The following AGBL1 variants were observed in gnomAD, a reference collection of about 807,000 sequenced individuals.
The protein encoded by AGBL1 is AGBL carboxypeptidase 1, also known as cytosolic carboxypeptidase 4.
In AGBL1, 130 loss-of-function variants were observed where a neutral mutation model predicts 118.9. The observed-to-expected ratio is 1.09, with a 90% CI of 0.95 to 1.26. The LOEUF is 1.26. AGBL1 is among the 50% of genes most tolerant of loss of function. The pLI is 0.00. For missense variants in AGBL1, 1,584 were observed against 1,298.1 expected (o/e 1.22, Z -3.38); for synonymous variants, 555 against 478.9 (o/e 1.16, Z -2.08).
At chr15:86,571,223 A>G (rs2084002100) in intron 21 of AGBL1, among the ~76,000 whole-genome samples, 2 of 152,140 alleles carry the variant, frequency 1.3e-5, no homozygotes, top group South Asian at 2.1e-4. Context: ...AGATCCCTGA[A>G]GGGCCACAGC....
chr15:86,453,071 T>C (rs2082215559), intron 18 of AGBL1, among the ~76,000 whole-genome samples: 1 of 152,220 alleles, frequency 6.6e-6, no homozygotes, highest in Non-Finnish European at 1.5e-5. Context: ...GGTGTGTTTA[T>C]TGTGTTTCGC....
intron 1 of AGBL1, chr15:86,109,942 C>G (rs866594419): frequency 1.8e-4 from 28 of 152,338 alleles, no homozygotes; most frequent in African/African-American, 6.7e-4. Context: ...CAAATAAATT[C>G]CGCTAAACCC....
chr15:86,687,530 G>C (rs2086081695), intron 22 of AGBL1, among the ~76,000 whole-genome samples: 1 of 152,118 alleles, frequency 6.6e-6, no homozygotes, highest in Non-Finnish European at 1.5e-5. Flanking sequence ...GAAAGGATAG[G>C]ATGATTATAT....
chr15:86,823,481 T>G (rs2078968653), intron 22 of AGBL1, among the ~76,000 whole-genome samples: 1 of 152,194 alleles, frequency 6.6e-6, no homozygotes, highest in Non-Finnish European at 1.5e-5. Context: ...GTCTTTCTCG[T>G]ATCCTTCATT....
intron 21 of AGBL1, among the ~76,000 whole-genome samples, chr15:86,667,000 A>G (rs2085655900): frequency 6.6e-6 from 1 of 152,172 alleles, no homozygotes; most frequent in Non-Finnish European, 1.5e-5. Context: ...TGTATCAGAC[A>G]TAGATGCATC....
At chr15:86,663,880 A>T (rs767959101) in intron 21 of AGBL1, among the ~76,000 whole-genome samples, 2 of 151,988 alleles carry the variant, frequency 1.3e-5, no homozygotes, top group African/African-American at 4.8e-5. Context: ...GCTTGATCAG[A>T]CTCTAGGCTA....
At chr15:86,727,579 G>A (rs1413557203) in intron 22 of AGBL1, among the ~76,000 whole-genome samples, 1 of 152,062 alleles carries the variant, frequency 6.6e-6, no homozygotes, top group East Asian at 1.9e-4. Context: ...ATTGCTTTCA[G>A]CTTCATTATC....
At chr15:86,258,827 C>G (rs1035499261) in intron 9 of AGBL1, among the ~76,000 whole-genome samples, 2 of 152,166 alleles carry the variant, frequency 1.3e-5, no homozygotes, top group Non-Finnish European at 2.9e-5. Context: ...CAACTTCAGC[C>G]TCCCAAGTAA....
intron 5 of AGBL1, among the ~76,000 whole-genome samples, chr15:86,169,231 A>G (rs1047273680): frequency 2.6e-5 from 4 of 152,232 alleles, no homozygotes; most frequent in African/African-American, 9.6e-5. Context: ...AAAGCTGCAC[A>G]GAAGGAAAAC....
At chr15:86,478,651 T>C (rs2082598534) in intron 18 of AGBL1, among the ~76,000 whole-genome samples, 1 of 152,154 alleles carries the variant, frequency 6.6e-6, no homozygotes, top group African/African-American at 2.4e-5. Context: ...AAAATGGCCA[T>C]ACTGCCCAGG....
intron 6 of AGBL1, among the ~76,000 whole-genome samples, chr15:86,227,514 A>T (rs970693798): frequency 7.9e-5 from 12 of 152,216 alleles, no homozygotes; most frequent in Non-Finnish European, 1.3e-4. Flanking sequence ...TACCCACCAG[A>T]CGCCAGTATC....
intron 17 of AGBL1, among the ~76,000 whole-genome samples, chr15:86,321,646 G>A (rs1597727803): frequency 6.6e-6 from 1 of 151,720 alleles, no homozygotes; most frequent in Admixed American, 6.6e-5. Flanking sequence ...GCATGGTGGC[G>A]GATGCCTGTA....
chr15:86,992,298 G>T (rs890027574), intron 24 of AGBL1, among the ~76,000 whole-genome samples: 1 of 152,024 alleles, frequency 6.6e-6, no homozygotes, highest in Non-Finnish European at 1.5e-5. Context: ...CCTCCCACCC[G>T]GCCTCGGCTC....
intron 18 of AGBL1, among the ~76,000 whole-genome samples, chr15:86,403,183 C>A (rs1220741263): frequency 2.0e-5 from 3 of 152,096 alleles, no homozygotes; most frequent in Non-Finnish European, 4.4e-5. Context: ...ATAAGTCAAG[C>A]ATGATTCCCA....
At chr15:86,474,365 T>C (rs2082523127) in intron 18 of AGBL1, among the ~76,000 whole-genome samples, 1 of 152,156 alleles carries the variant, frequency 6.6e-6, no homozygotes, top group African/African-American at 2.4e-5. Flanking sequence ...GAAAATCAGG[T>C]CACTCCCACA....
rs554198610 is a variant in AGBL1, at chr15:86,723,667, GAAAAC to G, written c.3158+49235_3158+49239del. On this transcript the variant is annotated intron_variant, in intron 22 of 22. Transcript: ENST00000614907. The stretch of plus-strand genomic sequence containing the variant: ...ACTTAAAGTATAATAATAAAAAAAA[GAAAAC>G]AAAGCAAATTGATGGATTTGACTAA... Among the ~76,000 whole-genome samples, 264 of 151,828 alleles carry G rather than the reference GAAAAC, an allele frequency of 1.7e-3. 3 individuals carry two copies. In the East Asian group the frequency reaches 0.022, roughly 12 times the overall value.
intron 24 of AGBL1, among the ~76,000 whole-genome samples, chr15:86,999,689 G>A (rs534815004): frequency 9.3e-4 from 141 of 151,470 alleles, no homozygotes; most frequent in African/African-American, 3.3e-3. Flanking sequence ...ATAAACACAC[G>A]GGTGCATGTG....
intron 16 of AGBL1, among the ~76,000 whole-genome samples, chr15:86,280,374 A>G (rs879369190): frequency 6.6e-6 from 1 of 152,216 alleles, no homozygotes; most frequent in Admixed American, 6.5e-5. Context: ...GAGGGAGAGT[A>G]GAAGAAGTCA....
intron 22 of AGBL1, among the ~76,000 whole-genome samples, chr15:86,756,470 C>G (rs2077942071): frequency 6.7e-6 from 1 of 149,806 alleles, no homozygotes; most frequent in Non-Finnish European, 1.5e-5. Context: ...AAGAAGAGGA[C>G]AGAGATGCTG....
Sources: allele counts gnomAD v4.1 joint callset (sites outside exome capture counted in the v4.1 genomes callset), GRCh38; gene constraint gnomAD v4.1.1; transcripts MANE v1.5; gene names NCBI Gene and HGNC (gene_info 2026-07-23, HGNC 2026-07-21).